The following MAPK4 variants were observed in gnomAD, a reference collection of about 807,000 sequenced individuals.
MAPK4 encodes the protein Erk3-related.
Under a neutral mutation model 47.7 loss-of-function variants are expected in MAPK4, and 22 were observed. The observed-to-expected ratio is 0.46, with a 90% CI of 0.33 to 0.66. The LOEUF (loss-of-function observed/expected upper bound fraction) is 0.66. Ranked by LOEUF, MAPK4 falls within the 30% of genes least tolerant of loss-of-function variation. The pLI, the probability that MAPK4 is intolerant of heterozygous loss-of-function variation, is 0.02. For synonymous variants in MAPK4, 390 were observed against 365.7 expected, an observed-to-expected ratio of 1.07 and a Z score of -0.76; for missense variants, 736 against 831.7, an observed-to-expected ratio of 0.88 and a Z score of 1.42.
intron 1 of MAPK4, among the ~76,000 whole-genome samples, chr18:50,575,580 G>A (rs1598787756): frequency 6.6e-6 from 1 of 152,198 alleles, no homozygotes; most frequent in Non-Finnish European, 1.5e-5. Context: ...GTAAGGCAAA[G>A]ATTTCATGAG....
At chr18:50,589,915 A>T (rs1045208812) in intron 1 of MAPK4, among the ~76,000 whole-genome samples, 1 of 152,220 alleles carries the variant, frequency 6.6e-6, no homozygotes, top group African/African-American at 2.4e-5. Flanking sequence ...TGCATTGCCA[A>T]TATATTTATG....
intron 2 of MAPK4, among the ~76,000 whole-genome samples, chr18:50,701,782 T>A (rs551747619): frequency 3.5e-4 from 54 of 152,294 alleles, no homozygotes; most frequent in Non-Finnish European, 1.0e-4. Flanking sequence ...TTATAGGTCA[T>A]GTACAAAAGA....
At chr18:50,581,263 A>G (rs2042341555) in intron 1 of MAPK4, among the ~76,000 whole-genome samples, 1 of 152,192 alleles carries the variant, frequency 6.6e-6, no homozygotes, top group Non-Finnish European at 1.5e-5. Flanking sequence ...GTTCTAGTTC[A>G]GGGACTCTCA....
At chr18:50,589,704 C>T (rs2042420239) in intron 1 of MAPK4, among the ~76,000 whole-genome samples, 1 of 152,158 alleles carries the variant, frequency 6.6e-6, no homozygotes, top group African/African-American at 2.4e-5. Flanking sequence ...AGAGGCACTT[C>T]ACCAATTGGC....
At chr18:50,639,837 T>A (rs578120446) in intron 1 of MAPK4, among the ~76,000 whole-genome samples, 2 of 152,328 alleles carry the variant, frequency 1.3e-5, no homozygotes, top group African/African-American at 4.8e-5. Context: ...GAATATTCCA[T>A]TAGGAACCTG....
At chr18:50,656,374 G>T (rs1256686552) in intron 1 of MAPK4, among the ~76,000 whole-genome samples, 3 of 152,148 alleles carry the variant, frequency 2.0e-5, no homozygotes. Flanking sequence ...TCACTCACAC[G>T]GTGGCCAGCA....
rs1201671051 is a variant in MAPK4, at chr18:50,663,688, AG to A, written c.-268del. On this transcript the variant is annotated 5_prime_UTR_variant, in exon 2 of 6. Coordinates refer to ENST00000400384, the MANE Select transcript of MAPK4 (RefSeq NM_002747.4). ...ATATGAGCCATTCTAAGCTTTAAGA[AG>A]GGTTCAGGAAACACAGGAATTAGTA... The A allele has an allele frequency of 6.0e-6, 2 of 334,702 alleles. No homozygotes were observed. The highest frequency in any genetic ancestry group is 2.1e-5 in the African/African-American group (1 of 48,230). 20.7% of individuals were successfully genotyped at this position (334,702 alleles called of 1,614,324 possible). A position where few individuals can be genotyped will look rare whatever the true frequency, so the allele number is the denominator to read the frequency against.
At chr18:50,717,186 C>T (rs866434363) in intron 3 of MAPK4, among the ~76,000 whole-genome samples, 1 of 152,194 alleles carries the variant, frequency 6.6e-6, no homozygotes, top group South Asian at 2.1e-4. Flanking sequence ...CCTGTCCTCC[C>T]CACATCCACC....
chr18:50,599,059 G>A (rs1301337830), intron 1 of MAPK4, among the ~76,000 whole-genome samples: 1 of 152,154 alleles, frequency 6.6e-6, no homozygotes, highest in African/African-American at 2.4e-5. Flanking sequence ...TTGGAAGAGA[G>A]TCACTAAGTC....
chr18:50,622,779 G>A (rs2149382818), intron 1 of MAPK4, among the ~76,000 whole-genome samples: 1 of 152,348 alleles, frequency 6.6e-6, no homozygotes, highest in South Asian at 2.1e-4. Flanking sequence ...TTTTGTGAAT[G>A]ATTGTATAGC....
At position 50,729,819 on chromosome 18, in the gene MAPK4, G is replaced by A. The variant is rs202116209; in HGVS notation, c.1729G>A (p.Val577Met). The A allele has an allele frequency of 1.2e-6, 2 of 1,612,134 alleles. No individual in the cohort carries two copies. Among genetic ancestry groups the A allele is most frequent in the African/African-American group, 1.3e-5 (1 of 75,040 alleles). ...ACIPEHPGDL[V>M]QTEAFSKERW ...CATCCCCGAGCACCCTGGCGACCTC[G>A]TGCAGACCGAGGCCTTCTCCAAAGA... Residue 577 changes from valine (V) to methionine (M), a missense_variant, in exon 6 of 6, where the codon GTG (valine) becomes ATG (methionine). By Grantham distance (21) the Val-to-Met change is conservative. Around this residue, in one of 3 missense-constraint regions of MAPK4, gnomAD observed 377 missense variants for 378.6 expected, o/e 1.00. Transcript: ENST00000400384.
Position 50,664,364 on chromosome 18 carries a change from G to A in MAPK4, c.406G>A (p.Gly136Arg), listed in dbSNP as rs762370225. 7.4e-6 allele frequency: 12 copies of A among 1,613,870 alleles called. No individual in the cohort carries two copies. The highest frequency in any genetic ancestry group is 1.0e-5 in the Non-Finnish European group (12 of 1,180,036). ...GCTGTTCATGTACCAGCTGCTCCGC[G>A]GGCTCAAGTACATCCACTCCGCCAA... is the stretch of plus-strand genomic sequence containing the variant. The part of the protein sequence containing the change: ...AKLFMYQLLR[G>R]LKYIHSANVL... Residue 136 changes from glycine (G) to arginine (R), a missense_variant, in exon 2 of 6, where the codon GGG (glycine) becomes AGG (arginine). Transcript: ENST00000400384. This position sits in a 1 kb window ranked among gnomAD's most constrained non-coding sequence, Gnocchi z 6.0.
chr18:50,698,531 A>C (rs1309366196), intron 2 of MAPK4, among the ~76,000 whole-genome samples: 2 of 152,328 alleles, frequency 1.3e-5, no homozygotes, highest in East Asian at 3.9e-4. Flanking sequence ...CTCAGAAAGA[A>C]AACCTCATGT....
chr18:50,605,399 T>C (rs2042573956), intron 1 of MAPK4, among the ~76,000 whole-genome samples: 1 of 152,120 alleles, frequency 6.6e-6, no homozygotes, highest in Admixed American at 6.5e-5. Flanking sequence ...TTGGATCCAT[T>C]TGGAAGGGAT....
At chr18:50,653,603 A>C (rs2043075607) in intron 1 of MAPK4, among the ~76,000 whole-genome samples, 1 of 152,190 alleles carries the variant, frequency 6.6e-6, no homozygotes, top group African/African-American at 2.4e-5. Flanking sequence ...TGTGATCTTG[A>C]GGAAGTCATT....
At chr18:50,621,671 A>G (rs150142876) in intron 1 of MAPK4, among the ~76,000 whole-genome samples, 16 of 152,350 alleles carry the variant, frequency 1.1e-4, no homozygotes, top group African/African-American at 3.8e-4. Flanking sequence ...AGGGGTGACA[A>G]GCTAGAGAAT....
chr18:50,581,387 C>T (rs906832332), intron 1 of MAPK4, among the ~76,000 whole-genome samples: 1 of 152,154 alleles, frequency 6.6e-6, no homozygotes, highest in Non-Finnish European at 1.5e-5. Flanking sequence ...TTCCTCTCTG[C>T]AGGTCTTTCC....
intron 1 of MAPK4, among the ~76,000 whole-genome samples, chr18:50,596,293 C>T (rs2042481116): frequency 6.6e-6 from 1 of 152,172 alleles, no homozygotes; most frequent in African/African-American, 2.4e-5. Context: ...AAAATCTGTG[C>T]TTCTTCCGCC....
intron 1 of MAPK4, among the ~76,000 whole-genome samples, chr18:50,590,591 G>A (rs2149367222): frequency 6.6e-6 from 1 of 152,322 alleles, no homozygotes; most frequent in South Asian, 2.1e-4. Flanking sequence ...TTACTGCTGT[G>A]CTAAAATTAG....
Sources: gnomAD v4.1 joint callset for allele counts (sites outside exome capture counted in the v4.1 genomes callset) on GRCh38, gnomAD v4.1.1 for gene constraint, gnomAD v4.1.1 regional missense constraint, Gnocchi (gnomAD v3.1) non-coding constraint, MANE v1.5 for transcripts, NCBI Gene and HGNC (gene_info 2026-07-23, HGNC 2026-07-21) for gene names.